The following PAK2 variants were observed in gnomAD, a reference collection of about 807,000 sequenced individuals.
The protein encoded by PAK2 is p21 (RAC1) activated kinase 2.
PAK2 carries 21 observed loss-of-function variants against 65.9 expected under a neutral mutation model. The ratio of observed to expected loss-of-function variants is 0.32; its 90% confidence interval spans 0.23 to 0.46. The LOEUF (loss-of-function observed/expected upper bound fraction) is 0.46. Among genes scored for constraint, PAK2 ranks in the 20% least tolerant of loss-of-function variants. The probability of loss-of-function intolerance (pLI) is 1.00; values close to 1 mark genes in which losing one functional copy is unlikely to be tolerated. For missense variants in PAK2, 324 were observed against 642.6 expected, an observed-to-expected ratio of 0.50 and a Z score of 5.36; for synonymous variants, 204 against 219.7, an observed-to-expected ratio of 0.93 and a Z score of 0.63.
chr3:196,781,117 C>T (rs1456722742), intron 1 of PAK2, among the ~76,000 whole-genome samples: 2 of 152,172 alleles, frequency 1.3e-5, no homozygotes, highest in African/African-American at 4.8e-5. Flanking sequence ...TACTTTTCTT[C>T]AGGTATAAGC....
At position 196,757,275 on chromosome 3, in the gene PAK2, AACT is replaced by A. The variant is rs376165073; in HGVS notation, c.-22+17122_-22+17124del. Among the ~76,000 whole-genome samples the A allele has an allele frequency of 2.4e-3, 372 of 152,302 alleles. 6 individuals are homozygous for A. Among genetic ancestry groups the A allele is most frequent in the African/African-American group, 8.8e-3 (364 of 41,566 alleles). On this transcript the variant is annotated intron_variant, in intron 1 of 14. Transcript: ENST00000327134. ...GCAGGTGACTGGGGGAACAGATGTG[AACT>A]ACTGATGAAAACTGGTGGAAAAGGT...
At chr3:196,752,283 A>G (rs547445666) in intron 1 of PAK2, among the ~76,000 whole-genome samples, 1 of 152,090 alleles carries the variant, frequency 6.6e-6, no homozygotes, top group East Asian at 1.9e-4. Flanking sequence ...TTTGCTTTGT[A>G]AATTGTATTT....
chr3:196,795,155 T>TAAATC (rs1715208309), intron 2 of PAK2, among the ~76,000 whole-genome samples: 1 of 152,052 alleles, frequency 6.6e-6, no homozygotes, highest in Non-Finnish European at 1.5e-5. Flanking sequence ...GTAATCAAAT[T>TAAATC]GTTTAAAACC....
At chr3:196,759,498 GTTTTTTTTTTTTTTTTTTTTTTTT>G (rs71301221) in intron 1 of PAK2, among the ~76,000 whole-genome samples, 16 of 108,156 alleles carry the variant, frequency 1.5e-4, no homozygotes, top group Admixed American at 9.9e-4. Flanking sequence ...GGTTTTTTTT[GTTTTTTTTTTTTTTTTTTTTTTTT>G]TTTTTTTTTT....
chr3:196,749,282 C>T (rs1713490782), intron 1 of PAK2, among the ~76,000 whole-genome samples: 1 of 152,056 alleles, frequency 6.6e-6, no homozygotes, highest in East Asian at 1.9e-4. Context: ...ATTGCTGGGT[C>T]ATATGATAAT....
At chr3:196,817,122 G>A (rs1388297050) in intron 11 of PAK2, among the ~76,000 whole-genome samples, 1 of 137,468 alleles carries the variant, frequency 7.3e-6, no homozygotes, top group Non-Finnish European at 1.6e-5. Flanking sequence ...ACCAAGTGTT[G>A]TATACCTTTA....
chr3:196,759,661 G>A (rs1713898092), intron 1 of PAK2, among the ~76,000 whole-genome samples: 2 of 151,386 alleles, frequency 1.3e-5, no homozygotes, highest in Admixed American at 1.3e-4. Flanking sequence ...AGAGTAGTTG[G>A]GACTACAGGC....
At chr3:196,812,876 C>A in intron 10 of PAK2, 25 bp downstream of exon 10, 1 of 989,870 alleles carries the variant, frequency 1.0e-6, no homozygotes. Flanking sequence ...TCCTTAAACA[C>A]CGGGAGAAAA....
intron 1 of PAK2, among the ~76,000 whole-genome samples, chr3:196,769,148 G>C (rs569633881): frequency 5.3e-5 from 8 of 151,706 alleles, no homozygotes; most frequent in Non-Finnish European, 1.0e-4. Flanking sequence ...GCAACATAGG[G>C]AGGCCCTTTC....
intron 1 of PAK2, among the ~76,000 whole-genome samples, chr3:196,747,870 C>T (rs1003529614): frequency 1.3e-5 from 2 of 152,088 alleles, no homozygotes; most frequent in Non-Finnish European, 2.9e-5. Context: ...CTTGTTCTCA[C>T]GTTGGGACCT....
chr3:196,757,764 G>A (rs1387746153), intron 1 of PAK2, among the ~76,000 whole-genome samples: 2 of 152,170 alleles, frequency 1.3e-5, no homozygotes, highest in South Asian at 2.1e-4. Flanking sequence ...CTGGAATCCC[G>A]TCTTCTGGTC....
At chr3:196,761,084 C>T (rs140689471) in intron 1 of PAK2, among the ~76,000 whole-genome samples, 6 of 150,240 alleles carry the variant, frequency 4.0e-5, no homozygotes, top group Admixed American at 1.3e-4. Flanking sequence ...CAAAATTAGC[C>T]GGGTGTGGTT....
intron 1 of PAK2, among the ~76,000 whole-genome samples, chr3:196,766,859 A>G (rs914313401): frequency 1.3e-5 from 2 of 150,090 alleles, no homozygotes; most frequent in Non-Finnish European, 3.0e-5. Context: ...AATTTTGTCA[A>G]TTATACCTCA....
intron 1 of PAK2, among the ~76,000 whole-genome samples, chr3:196,762,523 C>T (rs558118889): frequency 2.0e-5 from 3 of 151,206 alleles, no homozygotes; most frequent in South Asian, 2.1e-4. Context: ...AGCGAAACCT[C>T]GTCTCCACCA....
chr3:196,796,549 T>G (rs1715266092), intron 2 of PAK2, among the ~76,000 whole-genome samples: 1 of 152,196 alleles, frequency 6.6e-6, no homozygotes, highest in African/African-American at 2.4e-5. Flanking sequence ...TAAAACCCAT[T>G]GAAGTGTACA....
chr3:196,762,675 GGGGAGA>G (rs574025929), intron 1 of PAK2, among the ~76,000 whole-genome samples: 1,756 of 151,794 alleles, frequency 0.012, 28 homozygotes, highest in African/African-American at 0.033. Context: ...GGGAGACCGT[GGGGAGA>G]GGGAGAGGGA....
chr3:196,776,912 G>C (rs1254573640), intron 1 of PAK2, among the ~76,000 whole-genome samples: 1 of 152,162 alleles, frequency 6.6e-6, no homozygotes, highest in Non-Finnish European at 1.5e-5. Flanking sequence ...TGTGAAAGCT[G>C]TTAAAATGCT....
chr3:196,825,592 G>C (rs1711833967), intron 13 of PAK2, among the ~76,000 whole-genome samples: 1 of 151,950 alleles, frequency 6.6e-6, no homozygotes, highest in South Asian at 2.1e-4. Context: ...GCATCGAGCT[G>C]AGATCGTGCC....
intron 2 of PAK2, among the ~76,000 whole-genome samples, chr3:196,787,825 C>A (rs551189592): frequency 6.6e-6 from 1 of 152,200 alleles, no homozygotes. Flanking sequence ...ACACTTATTG[C>A]TCCTACCTGG....
Sources: gnomAD v4.1 joint callset for allele counts (sites outside exome capture counted in the v4.1 genomes callset) on GRCh38, gnomAD v4.1.1 for gene constraint, MANE v1.5 for transcripts, NCBI Gene and HGNC (gene_info 2026-07-23, HGNC 2026-07-21) for gene names.